DNAH6: variants seen among roughly 807,000 people sequenced by gnomAD.
DNAH6 encodes the protein dynein axonemal heavy chain 6.
In DNAH6, 340 loss-of-function variants were observed where a neutral mutation model predicts 491.4. The observed-to-expected ratio is 0.69, with a 90% confidence interval of 0.63 to 0.76. The LOEUF (loss-of-function observed/expected upper bound fraction) is 0.76. Ranked by LOEUF, DNAH6 falls within the 30% of genes least tolerant of loss-of-function variation. DNAH6 has a pLI of 0.00. For missense variants in DNAH6, 4,443 were observed against 4,972.2 expected (o/e 0.89, Z 3.20); for synonymous variants, 1,603 against 1,686.1 (o/e 0.95, Z 1.21).
At chr2:84,485,764 A>G in the DNAH6 span, among the ~76,000 whole-genome samples, 1 of 151,906 alleles carries the variant, frequency 6.6e-6, no homozygotes, top group Admixed American at 6.6e-5. Flanking sequence ...TTAGTGCAAC[A>G]TATGTCTGCC....
intron 61 of DNAH6, 109 bp from the exon 62 acceptor site, chr2:84,733,329 TAGGAAA>T (rs1208193956): frequency 2.3e-6 from 2 of 855,614 alleles, no homozygotes; most frequent in Non-Finnish European, 1.8e-6. Context: ...CTACTTGTCC[TAGGAAA>T]ATGGTTATTT....
At chr2:84,614,788 G>A (rs186062344) in intron 22 of DNAH6, among the ~76,000 whole-genome samples, 6 of 152,166 alleles carry the variant, frequency 3.9e-5, no homozygotes, top group African/African-American at 1.2e-4. Context: ...GTGATGTTGA[G>A]CATTTTTCAT....
the DNAH6 span, among the ~76,000 whole-genome samples, chr2:84,488,975 T>C: frequency 6.6e-6 from 1 of 152,132 alleles, no homozygotes; most frequent in Non-Finnish European, 1.5e-5. Context: ...GCTCTCTCCC[T>C]CATAATAGCT....
At chr2:84,748,451 T>C (rs1395566627) in intron 63 of DNAH6, among the ~76,000 whole-genome samples, 1 of 152,192 alleles carries the variant, frequency 6.6e-6, no homozygotes, top group African/African-American at 2.4e-5. Context: ...AATTCAACCT[T>C]CCACAAACCC....
chr2:84,728,912 C>T (rs920708228), intron 61 of DNAH6, among the ~76,000 whole-genome samples: 1 of 152,104 alleles, frequency 6.6e-6, no homozygotes, highest in Non-Finnish European at 1.5e-5. Flanking sequence ...CTGTCCAACT[C>T]TGCAAATCTC....
intron 45 of DNAH6, among the ~76,000 whole-genome samples, chr2:84,689,217 C>A (rs1236225391): frequency 6.6e-6 from 1 of 152,190 alleles, no homozygotes; most frequent in Non-Finnish European, 1.5e-5. Flanking sequence ...TTAAGGTACT[C>A]AGTGTGGGTA....
intron 37 of DNAH6, among the ~76,000 whole-genome samples, chr2:84,665,270 G>A (rs1691980632): frequency 2.0e-5 from 3 of 151,948 alleles, no homozygotes; most frequent in East Asian, 3.9e-4. Flanking sequence ...GAAGGAGAGA[G>A]AGACACAAAA....
Position 84,525,565 on chromosome 2 carries a change from C to T in DNAH6, c.226C>T (p.Pro76Ser), listed in dbSNP as rs1251047090. The T allele has an allele frequency of 2.0e-6, 3 of 1,536,420 alleles. No individual in the cohort carries two copies. The highest frequency in any genetic ancestry group is 2.5e-5 in the East Asian group (1 of 40,754). ...RQQPIKLEPL[P>S]VLKVYQDHKQ... The stretch of plus-strand genomic sequence containing the variant: ...TAACATGTCTCTCTATTTCCCAAAG[C>T]CAGTGCTAAAAGTCTACCAAGATCA... The change falls in exon 3 of 77, where the codon CCA becomes TCA. Residue 76 changes from proline to serine, a missense_variant and splice_region_variant. Physicochemically the swap from Pro to Ser is moderately conservative, Grantham distance 74. Transcript: ENST00000389394.
At chr2:84,472,481 T>C in the DNAH6 span, among the ~76,000 whole-genome samples, 912 of 152,220 alleles carry the variant, frequency 6.0e-3, 14 homozygotes, top group African/African-American at 0.021. Context: ...AGGTATCTAC[T>C]GAAACATGAA....
intron 22 of DNAH6, 103 bp from the exon 23 acceptor site, chr2:84,616,781 TAG>T (rs1686893271): frequency 1.9e-6 from 1 of 520,836 alleles, no homozygotes; most frequent in African/African-American, 2.0e-5. Context: ...AATAGTTTTC[TAG>T]GGAGAAGATT....
the DNAH6 span, among the ~76,000 whole-genome samples, chr2:84,494,148 C>A: frequency 6.6e-6 from 1 of 152,086 alleles, no homozygotes; most frequent in Non-Finnish European, 1.5e-5. Flanking sequence ...GGATTGGGGA[C>A]AAGAGTCTGG....
At chr2:84,563,065 T>A (rs1399885452) in intron 11 of DNAH6, among the ~76,000 whole-genome samples, 1 of 152,134 alleles carries the variant, frequency 6.6e-6, no homozygotes, top group Non-Finnish European at 1.5e-5. Context: ...CCGCACATGA[T>A]CTCTTGCCTG....
intron 4 of DNAH6, among the ~76,000 whole-genome samples, chr2:84,540,212 A>G (rs1297898382): frequency 3.3e-5 from 5 of 152,180 alleles, no homozygotes; most frequent in Non-Finnish European, 4.4e-5. Context: ...GCATTCAAGC[A>G]TGGCCTAAAA....
chr2:84,706,465 C>A (rs1448111866), intron 52 of DNAH6, among the ~76,000 whole-genome samples: 1 of 152,144 alleles, frequency 6.6e-6, no homozygotes, highest in Non-Finnish European at 1.5e-5. Context: ...AAAAACCATT[C>A]TTAGCTTGCA....
intron 61 of DNAH6, among the ~76,000 whole-genome samples, chr2:84,731,511 C>A (rs1699112892): frequency 6.6e-6 from 1 of 152,228 alleles, no homozygotes; most frequent in African/African-American, 2.4e-5. Context: ...GTACTCAGCT[C>A]CTAGAACTGG....
Position 84,808,531 on chromosome 2 carries a change from A to G in DNAH6, c.11728A>G (p.Lys3910Glu). Residue 3910 changes from lysine (K) to glutamate (E), a missense_variant, in exon 72 of 77, where the codon AAG becomes GAG. Around this residue, in one of 3 missense-constraint regions of DNAH6, gnomAD observed 1,463 missense variants for 1,656.6 expected, o/e 0.88. Coordinates refer to ENST00000389394, the MANE Select transcript of DNAH6 (RefSeq NM_001370.2). ...AGTGGACCGGTTTAACAACCTGCTG[A>G]AGTTAATTCATGTATGAGAGCTTAC... is the stretch of plus-strand genomic sequence containing the variant. ...QEVDRFNNLLKLIHTSLETLN... is the reference protein window; with the variant it reads ...QEVDRFNNLLELIHTSLETLN... 1 of 1,551,714 alleles carries G rather than the reference A, an allele frequency of 6.4e-7. No individual in the cohort carries two copies. Among genetic ancestry groups the G allele is most frequent in the Non-Finnish European group, 8.7e-7 (1 of 1,146,952 alleles).
intron 42 of DNAH6, among the ~76,000 whole-genome samples, chr2:84,683,482 G>A (rs1047983851): frequency 1.4e-5 from 2 of 142,706 alleles, no homozygotes; most frequent in African/African-American, 2.7e-5. Context: ...GAGTGCAGTG[G>A]CGTGATCTCG....
chr2:84,481,019 C>G, the DNAH6 span, among the ~76,000 whole-genome samples: 1 of 152,046 alleles, frequency 6.6e-6, no homozygotes, highest in Non-Finnish European at 1.5e-5. Flanking sequence ...GGCCTGCATC[C>G]TCACAGTTCC....
intron 4 of DNAH6, among the ~76,000 whole-genome samples, chr2:84,535,962 A>G (rs981364827): frequency 9.9e-5 from 15 of 152,148 alleles, no homozygotes; most frequent in African/African-American, 3.4e-4. Flanking sequence ...AATGTTTGTT[A>G]CAACCAAGGT....
Sources: allele counts gnomAD v4.1 joint callset (sites outside exome capture counted in the v4.1 genomes callset), GRCh38; gene constraint gnomAD v4.1.1; regional missense constraint gnomAD v4.1.1; transcripts MANE v1.5; gene names NCBI Gene and HGNC (gene_info 2026-07-23, HGNC 2026-07-21).